The following MARCHF1 variants were observed in gnomAD, a reference collection of about 807,000 sequenced individuals.
MARCHF1 encodes E3 ubiquitin-protein ligase MARCHF1.
Under a neutral mutation model 54.2 loss-of-function variants are expected in MARCHF1, and 40 were observed. The observed-to-expected ratio is 0.74, with a 90% CI of 0.57 to 0.96. The LOEUF (loss-of-function observed/expected upper bound fraction) is 0.96, where lower values mean the gene tolerates loss of function less well. Ranked by LOEUF, MARCHF1 falls within the 40% of genes least tolerant of loss-of-function variation. The pLI, the probability that MARCHF1 is intolerant of heterozygous loss-of-function variation, is 0.00. For synonymous variants in MARCHF1, 236 were observed against 236.3 expected, an observed-to-expected ratio of 1.00 and a Z score of 0.01; for missense variants, 586 against 656.5, an observed-to-expected ratio of 0.89 and a Z score of 1.17.
At chr4:164,257,603 A>G (rs1244842735) in intron 1 of MARCHF1, among the ~76,000 whole-genome samples, 1 of 151,866 alleles carries the variant, frequency 6.6e-6, no homozygotes, top group African/African-American at 2.4e-5. Flanking sequence ...AATGTAAAAT[A>G]TATAACATAT....
intron 3 of MARCHF1, among the ~76,000 whole-genome samples, chr4:163,923,307 A>G (rs938569701): frequency 1.3e-5 from 2 of 152,166 alleles, no homozygotes; most frequent in African/African-American, 2.4e-5. Flanking sequence ...ATGAATCATT[A>G]AAAATAATTC....
intron 3 of MARCHF1, among the ~76,000 whole-genome samples, chr4:163,882,739 T>G (rs1479534482): frequency 1.8e-4 from 28 of 151,946 alleles, no homozygotes; most frequent in Admixed American, 1.8e-3. Context: ...GAGGCTGAGG[T>G]AGGTGGATTG....
intron 2 of MARCHF1, among the ~76,000 whole-genome samples, chr4:164,092,662 A>T (rs1755329753): frequency 6.6e-6 from 1 of 152,094 alleles, no homozygotes; most frequent in Non-Finnish European, 1.5e-5. Context: ...AGAGTTCTTC[A>T]TTTCCAAGGG....
chr4:164,083,386 C>T (rs140261612), intron 2 of MARCHF1, among the ~76,000 whole-genome samples: 1 of 151,996 alleles, frequency 6.6e-6, no homozygotes, highest in African/African-American at 2.4e-5. Context: ...CTTATCTTGT[C>T]ACATGTTTTC....
chr4:163,864,491 ATGC>A (rs922908568), intron 3 of MARCHF1, among the ~76,000 whole-genome samples: 1 of 152,006 alleles, frequency 6.6e-6, no homozygotes, highest in Non-Finnish European at 1.5e-5. Context: ...CCTGCATGAG[ATGC>A]TGCTAAAAAA....
intron 1 of MARCHF1, among the ~76,000 whole-genome samples, chr4:164,160,865 A>C (rs1275916933): frequency 1.3e-5 from 2 of 152,322 alleles, no homozygotes; most frequent in Admixed American, 1.3e-4. Flanking sequence ...CAGACCACAC[A>C]ATTAGAAGAC....
chr4:163,629,571 C>A (rs1227067742), intron 5 of MARCHF1, among the ~76,000 whole-genome samples: 1 of 152,124 alleles, frequency 6.6e-6, no homozygotes, highest in East Asian at 1.9e-4. Context: ...TCTAATTAAA[C>A]TAAAAGAGCC....
intron 4 of MARCHF1, among the ~76,000 whole-genome samples, chr4:163,721,827 G>A (rs150482787): frequency 0.04 from 6,131 of 152,096 alleles, 439 homozygotes; most frequent in African/African-American, 0.14. Context: ...AGAGGTGTTT[G>A]TGGTATTCTC....
At chr4:164,209,744 G>A (rs1731712882) in intron 1 of MARCHF1, among the ~76,000 whole-genome samples, 1 of 152,022 alleles carries the variant, frequency 6.6e-6, no homozygotes, top group Admixed American at 6.6e-5. Flanking sequence ...CATAAAATTA[G>A]TTCTCTTCAT....
At chr4:163,691,737 T>G (rs1744463633) in intron 5 of MARCHF1, among the ~76,000 whole-genome samples, 2 of 152,142 alleles carry the variant, frequency 1.3e-5, no homozygotes, top group Non-Finnish European at 2.9e-5. Flanking sequence ...GAAACAAACT[T>G]AATTTGAAAC....
chr4:163,849,041 AATT>A (rs1749570234), intron 4 of MARCHF1, among the ~76,000 whole-genome samples: 1 of 152,176 alleles, frequency 6.6e-6, no homozygotes, highest in South Asian at 2.1e-4. Context: ...CAGTGCAATG[AATT>A]ATTATCTCAT....
intron 1 of MARCHF1, among the ~76,000 whole-genome samples, chr4:164,290,382 T>G (rs1222740713): frequency 6.6e-6 from 1 of 152,064 alleles, no homozygotes; most frequent in Non-Finnish European, 1.5e-5. Context: ...AAGAATGTTA[T>G]ATAAACAGTT....
chr4:163,633,689 A>G (rs1251374036), intron 5 of MARCHF1, among the ~76,000 whole-genome samples: 1 of 152,250 alleles, frequency 6.6e-6, no homozygotes, highest in African/African-American at 2.4e-5. Flanking sequence ...ATTATCCAGG[A>G]GAACTTCCCC....
chr4:163,769,733 G>T (rs1245452630), intron 4 of MARCHF1, among the ~76,000 whole-genome samples: 2 of 152,096 alleles, frequency 1.3e-5, no homozygotes, highest in Non-Finnish European at 2.9e-5. Flanking sequence ...CAGTAGCCGG[G>T]CACACTTAAT....
intron 3 of MARCHF1, among the ~76,000 whole-genome samples, chr4:163,984,672 G>A (rs888013171): frequency 2.0e-5 from 3 of 152,288 alleles, no homozygotes; most frequent in East Asian, 1.9e-4. Context: ...TCAAGCTACA[G>A]CTACAGGGCT....
chr4:164,322,643 T>G (rs1735172234), intron 1 of MARCHF1, among the ~76,000 whole-genome samples: 1 of 152,058 alleles, frequency 6.6e-6, no homozygotes, highest in Non-Finnish European at 1.5e-5. Context: ...ATGTTCTTGT[T>G]TTACATTGCA....
chr4:164,302,660 T>C lies in MARCHF1; in HGVS notation c.-323+81210A>G, dbSNP rs1734592408. ...TGTGAGGCTGAGGTAGGTGGATAAC[T>C]TGAGGCCAGGAGTTCAAGATAAACC... On this transcript the variant is annotated intron_variant, in intron 1 of 9. Transcript: ENST00000514618. 1.3e-5 allele frequency among the ~76,000 whole-genome samples: 2 copies of C among 152,026 alleles called. 1 individual carries two copies. Among genetic ancestry groups the C allele is most frequent in the Admixed American group, 1.3e-4 (2 of 15,258 alleles).
chr4:163,594,257 A>C (rs1237720020), intron 7 of MARCHF1, among the ~76,000 whole-genome samples: 1 of 152,152 alleles, frequency 6.6e-6, no homozygotes, highest in African/African-American at 2.4e-5. Flanking sequence ...GCTTAGAAGT[A>C]GGATTGACTG....
At chr4:164,090,930 A>G (rs1755284593) in intron 2 of MARCHF1, among the ~76,000 whole-genome samples, 1 of 152,150 alleles carries the variant, frequency 6.6e-6, no homozygotes, top group African/African-American at 2.4e-5. Context: ...TGTCTCCAGG[A>G]AACACATTTG....
Sources: allele counts gnomAD v4.1 joint callset (sites outside exome capture counted in the v4.1 genomes callset), GRCh38; gene constraint gnomAD v4.1.1; transcripts MANE v1.5; gene names NCBI Gene and HGNC (gene_info 2026-07-23, HGNC 2026-07-21).